Variants in TRMT11 observed in about 807,000 individuals in gnomAD.
The protein encoded by TRMT11 is tRNA methyltransferase 11.
TRMT11 carries 53 observed loss-of-function variants against 62.8 expected under a neutral mutation model. The ratio of observed to expected loss-of-function variants is 0.84; its 90% CI spans 0.68 to 1.06. The LOEUF (loss-of-function observed/expected upper bound fraction) is 1.06, where lower values mean the gene tolerates loss of function less well. Ranked by LOEUF, TRMT11 falls within the 50% of genes least tolerant of loss-of-function variation. The pLI is 0.00. For synonymous variants in TRMT11, 188 were observed against 190.3 expected, an observed-to-expected ratio of 0.99 and a Z score of 0.10; for missense variants, 556 against 553.4, an observed-to-expected ratio of 1.00 and a Z score of -0.05.
At position 125,998,078 on chromosome 6, in the gene TRMT11, G is replaced by T. The variant is rs772909624; in HGVS notation, c.238G>T (p.Gly80Ter). ...AKSIFELWGH[G>*]QSPEELYSSL... is the part of the protein sequence containing the mutation. ...GTCTATATTTGAACTATGGGGTCAT[G>T]GACAATCTCCTGAGGAGCTGTACAG... The change falls in exon 4 of 13, where the codon GGA (glycine) becomes TGA (stop). Residue 80 changes from glycine (G) to a stop codon, truncating the protein, a stop_gained. Coordinates refer to ENST00000334379, the MANE Select transcript of TRMT11 (RefSeq NM_001031712.3). LOFTEE classifies it high-confidence loss of function. The T allele has an allele frequency of 6.2e-7, 1 of 1,612,900 alleles. No individual in the cohort carries two copies. Among genetic ancestry groups the T allele is most frequent in the East Asian group, 2.2e-5 (1 of 44,860 alleles).
chr6:126,235,259 T>C, the TRMT11 span, among the ~76,000 whole-genome samples: 5 of 151,938 alleles, frequency 3.3e-5, no homozygotes, highest in South Asian at 2.1e-4. Context: ...TTTGTGGGAG[T>C]GTAAATTAGT....
chr6:126,225,685 A>AT, the TRMT11 span, among the ~76,000 whole-genome samples: 2,300 of 94,960 alleles, frequency 0.024, 161 homozygotes, highest in African/African-American at 0.066. Flanking sequence ...TATGTTTACT[A>AT]TTTTTTTTTT....
chr6:126,072,278 G>A (rs1025786884), intron 17 of TRMT11, among the ~76,000 whole-genome samples: 1 of 152,128 alleles, frequency 6.6e-6, no homozygotes, highest in Non-Finnish European at 1.5e-5. Flanking sequence ...TTAGCATAAG[G>A]TCATAGAACA....
At chr6:126,013,754 G>A (rs910293555) in intron 11 of TRMT11, among the ~76,000 whole-genome samples, 2 of 152,188 alleles carry the variant, frequency 1.3e-5, no homozygotes, top group African/African-American at 2.4e-5. Flanking sequence ...CATACAGTAT[G>A]TGACCCACAA....
intron 21 of TRMT11, among the ~76,000 whole-genome samples, chr6:126,155,369 A>C (rs1778105359): frequency 1.3e-5 from 2 of 152,184 alleles, no homozygotes; most frequent in South Asian, 4.1e-4. Flanking sequence ...CACCTCCAAC[A>C]TTCAGTATTA....
At chr6:126,094,561 A>G (rs989341564) in intron 17 of TRMT11, among the ~76,000 whole-genome samples, 2 of 152,212 alleles carry the variant, frequency 1.3e-5, no homozygotes, top group African/African-American at 4.8e-5. Context: ...TTAGGCCACA[A>G]TAGGCACACA....
chr6:126,138,037 A>G (rs1453582222), intron 21 of TRMT11, among the ~76,000 whole-genome samples: 1 of 151,966 alleles, frequency 6.6e-6, no homozygotes, highest in East Asian at 1.9e-4. Context: ...GTGTTCTATT[A>G]TTTGAAAGTA....
chr6:126,132,820 G>C (rs946985294), intron 21 of TRMT11, among the ~76,000 whole-genome samples: 2 of 152,040 alleles, frequency 1.3e-5, no homozygotes, highest in African/African-American at 4.8e-5. Flanking sequence ...TGGTTGTACT[G>C]TAGTAGAAGA....
chr6:126,152,001 C>T (rs1327777817), intron 21 of TRMT11, among the ~76,000 whole-genome samples: 2 of 115,488 alleles, frequency 1.7e-5, no homozygotes, highest in Non-Finnish European at 3.5e-5. Context: ...CTCCCTTCCT[C>T]CCTTCCTTCC....
Position 126,011,388 on chromosome 6 carries a change from G to T in TRMT11, c.896G>T (p.Gly299Val). 1.2e-6 allele frequency: 2 copies of T among 1,612,480 alleles called. No individual in the cohort carries two copies. The highest frequency in any genetic ancestry group is 8.5e-7 in the Non-Finnish European group (1 of 1,179,038). Residue 299 changes from glycine (G) to valine (V), a missense_variant, in exon 9 of 13, where the codon GGC (glycine) becomes GTC (valine). Gly to Val is a moderately radical substitution (Grantham distance 109, BLOSUM62 -3). Transcript: ENST00000334379. Reference protein sequence around the residue: ...SDASKPSWRKGTYFDAIITDP... With the variant: ...SDASKPSWRKVTYFDAIITDP... ...GCATCTAAACCTTCCTGGAGGAAGG[G>T]CACATATTTTGATGCAATCATTACT...
chr6:126,128,743 C>G (rs375090777), intron 21 of TRMT11, among the ~76,000 whole-genome samples: 3 of 152,024 alleles, frequency 2.0e-5, no homozygotes, highest in South Asian at 2.1e-4. Context: ...CATATTTGGT[C>G]CAGCAGTTAA....
chr6:126,238,422 G>A, the TRMT11 span, among the ~76,000 whole-genome samples: 17 of 151,798 alleles, frequency 1.1e-4, no homozygotes, highest in South Asian at 2.1e-4. Context: ...CTTTGTTCTC[G>A]TTGGTTTCAA....
At chr6:126,116,161 G>A (rs1777584706) in intron 21 of TRMT11, among the ~76,000 whole-genome samples, 1 of 151,876 alleles carries the variant, frequency 6.6e-6, no homozygotes. Context: ...TCTGCAACAA[G>A]GTGAGCTTTC....
intron 12 of TRMT11, among the ~76,000 whole-genome samples, chr6:126,034,260 C>G (rs1262355287): frequency 6.6e-6 from 1 of 152,048 alleles, no homozygotes; most frequent in Admixed American, 6.5e-5. Context: ...CCTTGTGTCC[C>G]TATCTGTAAA....
At chr6:126,168,633 C>T (rs1583896909) in intron 21 of TRMT11, among the ~76,000 whole-genome samples, 1 of 152,192 alleles carries the variant, frequency 6.6e-6, no homozygotes, top group Non-Finnish European at 1.5e-5. Flanking sequence ...ATTCTCCTGC[C>T]TCAGCCTCCC....
intron 8 of TRMT11, chr6:126,009,255 C>A (rs928111695): frequency 2.0e-5 from 3 of 151,824 alleles, no homozygotes; most frequent in Non-Finnish European, 4.4e-5. Flanking sequence ...TTATAACTGA[C>A]CAAAACCTCT....
chr6:126,113,256 A>G (rs185994612), intron 18 of TRMT11, among the ~76,000 whole-genome samples: 66 of 152,124 alleles, frequency 4.3e-4, no homozygotes, highest in African/African-American at 1.5e-3. Context: ...AGGCAGTCTG[A>G]TTTATTAACA....
At chr6:126,142,151 T>C (rs567941279) in intron 21 of TRMT11, among the ~76,000 whole-genome samples, 1 of 152,162 alleles carries the variant, frequency 6.6e-6, no homozygotes, top group South Asian at 2.1e-4. Context: ...TTTTCTGTCT[T>C]TTACCTAACT....
At chr6:125,990,708 A>G (rs1488903939) in intron 1 of TRMT11, among the ~76,000 whole-genome samples, 1 of 152,184 alleles carries the variant, frequency 6.6e-6, no homozygotes, top group African/African-American at 2.4e-5. Context: ...TCATTGGGTT[A>G]GATTTTTTTC....
Sources: gnomAD v4.1 joint callset for allele counts (sites outside exome capture counted in the v4.1 genomes callset) on GRCh38, gnomAD v4.1.1 for gene constraint, MANE v1.5 for transcripts, NCBI Gene and HGNC (gene_info 2026-07-23, HGNC 2026-07-21) for gene names.